CD99L2: variants seen among roughly 807,000 people sequenced by gnomAD.
CD99L2 encodes the protein CD99 antigen-like protein 2.
A neutral mutation model predicts 27.3 loss-of-function variants in CD99L2; 24 were observed. That is an observed-to-expected ratio of 0.88 (90% CI 0.64 to 1.24). The LOEUF is 1.24. Among genes scored for constraint, CD99L2 ranks in the 50% most tolerant of loss-of-function variants. CD99L2 has a pLI of 0.00. For missense variants in CD99L2, 255 were observed against 221.6 expected, an observed-to-expected ratio of 1.15 and a Z score of -0.96; for synonymous variants, 97 against 87.9, an observed-to-expected ratio of 1.10 and a Z score of -0.58.
rs113307545 is a variant in CD99L2 at position 150,898,603 on chromosome X, G to A, written c.-15C>T. ...CAGGCCACCATGGCTGGGAGCAGGC[G>A]GAGGGCCCCGGAGGAGCACAGTTAG... On this transcript the variant is annotated 5_prime_UTR_variant, in exon 1 of 11. Transcript: ENST00000370377. 3.7e-6 allele frequency: 4 copies of A among 1,090,349 alleles called. No homozygotes were observed. Among genetic ancestry groups the A allele is most frequent in the African/African-American group, 3.9e-5 (2 of 51,221 alleles). 89.9% of individuals were successfully genotyped at this position (1,090,349 alleles called of 1,213,427 possible).
At chrX:150,824,541 G>GA in intron 2 of CD99L2, among the ~76,000 whole-genome samples, 1 of 87,982 alleles carries the variant, frequency 1.1e-5, no homozygotes, top group African/African-American at 4.2e-5. Flanking sequence ...AAGAAAGAAG[G>GA]AAGAAGGAAG....
At chrX:150,865,269 G>A (rs1557422004) in intron 1 of CD99L2, among the ~76,000 whole-genome samples, 1 of 109,894 alleles carries the variant, frequency 9.1e-6, no homozygotes, top group East Asian at 2.9e-4. Flanking sequence ...AGGCCCAGGA[G>A]GGAGGATCTC....
chrX:150,828,917 T>C (rs782501687), intron 2 of CD99L2: 4 of 111,305 alleles, frequency 3.6e-5, no homozygotes, highest in East Asian at 2.8e-4. Flanking sequence ...TGGACAAGAA[T>C]GTCCACTGTA....
intron 4 of CD99L2, among the ~76,000 whole-genome samples, chrX:150,796,374 C>T (rs781888866): frequency 3.1e-4 from 35 of 112,374 alleles, no homozygotes; most frequent in African/African-American, 1.1e-3. Context: ...TAAGTCAAGT[C>T]ATAACCCAAC....
chrX:150,864,287 G>C lies in CD99L2; in HGVS notation c.68-32994C>G, dbSNP rs146282999. ...TGACCAAACTAAAGATTCCCTCCCA[G>C]GCCAGAAGATAACAAGGCATCCACA... On this transcript the variant is annotated intron_variant, in intron 1 of 10. Transcript: ENST00000370377. 5.2e-3 allele frequency among the ~76,000 whole-genome samples: 584 copies of C among 112,175 alleles called. 2 individuals carry two copies. The highest frequency in any genetic ancestry group is 0.018 in the African/African-American group (551 of 30,951).
intron 1 of CD99L2, among the ~76,000 whole-genome samples, chrX:150,892,938 A>G (rs112756537): frequency 0.04 from 4,440 of 111,580 alleles, 228 homozygotes; most frequent in African/African-American, 0.14. Context: ...CCTGGCCAAC[A>G]TGGCGAAACC....
At chrX:150,867,307 G>A (rs898428616) in intron 1 of CD99L2, among the ~76,000 whole-genome samples, 1 of 111,395 alleles carries the variant, frequency 9.0e-6, no homozygotes, top group Admixed American at 9.6e-5. Flanking sequence ...CTACTTGGGA[G>A]GCTGAGGCAG....
At chrX:150,798,559 AT>A (rs2045851864) in intron 4 of CD99L2, among the ~76,000 whole-genome samples, 1 of 111,243 alleles carries the variant, frequency 9.0e-6, no homozygotes, top group Admixed American at 9.5e-5. Context: ...ATTCTTAGAC[AT>A]GGTGGCATGA....
At chrX:150,898,396 G>T (rs1279269211) in intron 1 of CD99L2, 126 bp downstream of exon 1, 16 of 463,222 alleles carry the variant, frequency 3.5e-5, no homozygotes, top group Non-Finnish European at 4.1e-5. Context: ...TCGCACAGCC[G>T]GGCCGGCCGG....
At chrX:150,789,120 T>C (rs1026433333) in intron 7 of CD99L2, among the ~76,000 whole-genome samples, 55 of 64,801 alleles carry the variant, frequency 8.5e-4, no homozygotes, top group African/African-American at 3.5e-3. Context: ...TGAATTCTTT[T>C]TTTCTTTTTT....
intron 10 of CD99L2, among the ~76,000 whole-genome samples, chrX:150,769,777 GGGCACTCTA>G (rs1448019857): frequency 9.3e-6 from 1 of 107,246 alleles, no homozygotes; most frequent in African/African-American, 3.3e-5. Context: ...TCGAGCAGTT[GGGCACTCTA>G]GGCCTGTGGC....
rs560077709 is a variant in CD99L2 at position 150,885,740 on chromosome X, G to T, written c.67+12782C>A. On this transcript the variant is annotated intron_variant, in intron 1 of 10. Coordinates refer to ENST00000370377, the MANE Select transcript of CD99L2 (RefSeq NM_031462.4). ...ATTATAGTTTAATTTGCATCTCTCC[G>T]ATTACTAATGAGGCTGATCATCTTT... 3.6e-5 allele frequency among the ~76,000 whole-genome samples: 4 copies of T among 112,188 alleles called. No individual in the cohort carries two copies. The South Asian group carries it at 1.5e-3, about 41-fold the overall frequency.
At chrX:150,832,655 G>C (rs2046460914) in intron 1 of CD99L2, among the ~76,000 whole-genome samples, 1 of 112,190 alleles carries the variant, frequency 8.9e-6, no homozygotes, top group Admixed American at 9.5e-5. Flanking sequence ...ATCCAGAGCA[G>C]TTAGGCAAGA....
intron 1 of CD99L2, among the ~76,000 whole-genome samples, chrX:150,889,112 T>C (rs1036573142): frequency 8.9e-6 from 1 of 112,947 alleles, no homozygotes; most frequent in African/African-American, 3.2e-5. Flanking sequence ...TACATGTGAC[T>C]ATGTATAGTT....
At chrX:150,789,442 T>G (rs1169888801) in intron 7 of CD99L2, among the ~76,000 whole-genome samples, 3 of 112,329 alleles carry the variant, frequency 2.7e-5, no homozygotes, top group African/African-American at 9.7e-5. Flanking sequence ...TTATATCATC[T>G]GAATACAAGT....
At chrX:150,860,721 T>C (rs2046962030) in intron 1 of CD99L2, among the ~76,000 whole-genome samples, 2 of 111,900 alleles carry the variant, frequency 1.8e-5, no homozygotes, top group African/African-American at 6.5e-5. Context: ...TTGCAATAGT[T>C]ACCAAAAAAA....
intron 1 of CD99L2, among the ~76,000 whole-genome samples, chrX:150,840,237 AAG>A (rs1557421327): frequency 9.1e-6 from 1 of 109,989 alleles, no homozygotes; most frequent in Admixed American, 9.8e-5. Flanking sequence ...AAGAAAGAAA[AAG>A]AAAGAAAAAA....
intron 6 of CD99L2, among the ~76,000 whole-genome samples, chrX:150,794,225 T>G (rs1457654564): frequency 9.0e-6 from 1 of 111,437 alleles, no homozygotes; most frequent in Non-Finnish European, 1.9e-5. Context: ...TTGGTCATTC[T>G]CCTGCTAGTC....
At chrX:150,810,781 AC>A (rs1329846592) in intron 4 of CD99L2, among the ~76,000 whole-genome samples, 1 of 112,450 alleles carries the variant, frequency 8.9e-6, no homozygotes, top group Non-Finnish European at 1.9e-5. Flanking sequence ...ATCACTAATG[AC>A]TTAATAGAAA....
Sources: allele counts gnomAD v4.1 joint callset (sites outside exome capture counted in the v4.1 genomes callset), GRCh38; gene constraint gnomAD v4.1.1; transcripts MANE v1.5; gene names NCBI Gene and HGNC (gene_info 2026-07-23, HGNC 2026-07-21).